GFRA1: variants seen among roughly 807,000 people sequenced by gnomAD.
GFRA1 encodes the protein GDNF family receptor alpha 1.
In GFRA1, 16 loss-of-function variants were observed where a neutral mutation model predicts 51.6. The observed-to-expected ratio is 0.31, with a 90% CI of 0.21 to 0.47. The LOEUF is 0.47. Ranked by LOEUF, GFRA1 falls within the 20% of genes least tolerant of loss-of-function variation. The pLI is 1.00. For missense variants in GFRA1, 530 were observed against 594.3 expected (o/e 0.89, Z 1.13); for synonymous variants, 270 against 241.3 (o/e 1.12, Z -1.10).
At chr10:116,213,000 C>T (rs1357203582) in intron 4 of GFRA1, among the ~76,000 whole-genome samples, 1 of 152,066 alleles carries the variant, frequency 6.6e-6, no homozygotes, top group Non-Finnish European at 1.5e-5. Flanking sequence ...AACTTAAAGA[C>T]AAAAGAACAC....
chr10:116,210,414 G>A (rs1803583592), intron 5 of GFRA1, among the ~76,000 whole-genome samples: 1 of 152,172 alleles, frequency 6.6e-6, no homozygotes, highest in African/African-American at 2.4e-5. Flanking sequence ...CCCCCAGTTT[G>A]TGAAGGAAGA....
chr10:116,200,997 T>C (rs970473709), intron 5 of GFRA1, among the ~76,000 whole-genome samples: 22 of 152,210 alleles, frequency 1.4e-4, no homozygotes, highest in Admixed American at 5.9e-4. Flanking sequence ...TGGACAGTTT[T>C]ATGGTATGCT....
intron 7 of GFRA1, among the ~76,000 whole-genome samples, chr10:116,094,269 T>C (rs1442767844): frequency 1.3e-5 from 2 of 152,188 alleles, no homozygotes; most frequent in Non-Finnish European, 2.9e-5. Flanking sequence ...AAATGGTTTC[T>C]TTAGAGTGAC....
chr10:116,256,594 T>A (rs1968876305), intron 4 of GFRA1, among the ~76,000 whole-genome samples: 1 of 151,970 alleles, frequency 6.6e-6, no homozygotes, highest in African/African-American at 2.4e-5. Context: ...CTCCCTCCCT[T>A]CCTCCCCATC....
intron 5 of GFRA1, among the ~76,000 whole-genome samples, chr10:116,153,370 C>G (rs1032678362): frequency 2.0e-5 from 3 of 152,158 alleles, no homozygotes; most frequent in South Asian, 4.1e-4. Context: ...GGTTTGTGCA[C>G]GTGAGGACTA....
intron 9 of GFRA1, among the ~76,000 whole-genome samples, chr10:116,088,492 C>G (rs1956188983): frequency 6.6e-6 from 1 of 152,082 alleles, no homozygotes; most frequent in African/African-American, 2.4e-5. Context: ...ACTCTGTGAC[C>G]CATTAGCTCT....
chr10:116,244,184 G>A (rs1012499116), intron 4 of GFRA1, among the ~76,000 whole-genome samples: 7 of 144,442 alleles, frequency 4.8e-5, no homozygotes, highest in Non-Finnish European at 7.9e-5. Flanking sequence ...ATCTATTACG[G>A]ATCTATTGAT....
At chr10:116,164,649 C>T (rs1187617987) in intron 5 of GFRA1, among the ~76,000 whole-genome samples, 2 of 152,104 alleles carry the variant, frequency 1.3e-5, no homozygotes, top group East Asian at 1.9e-4. Flanking sequence ...AATATACTTG[C>T]GTTATGTTAA....
chr10:116,062,368 G>A lies in GFRA1; in HGVS notation c.*2030C>T. ...TTTATTCAAAGTAAGAGTCTTTATAGATCTTTTCACTAATTAAATACAGTT... is the reference window on the plus strand; with the variant it reads ...TTTATTCAAAGTAAGAGTCTTTATAAATCTTTTCACTAATTAAATACAGTT... On this transcript the variant is annotated 3_prime_UTR_variant, in exon 11 of 11. Transcript: ENST00000355422. 1 of 370,792 alleles carries A rather than the reference G, an allele frequency of 2.7e-6. No individual in the cohort carries two copies. Among genetic ancestry groups the A allele is most frequent in the Non-Finnish European group, 4.8e-6 (1 of 209,280 alleles). 23.0% of individuals were successfully genotyped at this position (370,792 alleles called of 1,614,324 possible). A position where few individuals can be genotyped will look rare whatever the true frequency, so the allele number is the denominator to read the frequency against.
At chr10:116,151,819 T>C (rs1959075659) in intron 5 of GFRA1, among the ~76,000 whole-genome samples, 1 of 152,168 alleles carries the variant, frequency 6.6e-6, no homozygotes, top group Non-Finnish European at 1.5e-5. Flanking sequence ...GTTTAGATAC[T>C]AGTGGAAGAG....
In GFRA1 at chr10:116,096,737, G is replaced by C. The variant is rs1308864724; in HGVS notation, c.798C>G (p.Asn266Lys). ...TGACAGACCTTGACTCTGGCTGGCA[G>C]TTGGTAAAAAAATCCGCAAGGCGAG... ...CRSRLADFFTNCQPESRSVSS... is the reference protein window; with the variant it reads ...CRSRLADFFTKCQPESRSVSS... Residue 266 changes from asparagine (N) to lysine (K), a missense_variant, in exon 7 of 11, where the codon AAC becomes AAG. Coordinates refer to ENST00000355422, the MANE Select transcript of GFRA1 (RefSeq NM_005264.8). The C allele has an allele frequency of 6.3e-7, 1 of 1,598,156 alleles. No homozygotes were observed. Among genetic ancestry groups the C allele is most frequent in the Non-Finnish European group, 8.5e-7 (1 of 1,172,966 alleles).
At chr10:116,168,641 A>T (rs751413957) in intron 5 of GFRA1, among the ~76,000 whole-genome samples, 2 of 152,176 alleles carry the variant, frequency 1.3e-5, no homozygotes, top group East Asian at 3.9e-4. Flanking sequence ...GTGGAGAGGA[A>T]GGGCCAACCT....
chr10:116,239,217 T>C (rs751236230), intron 4 of GFRA1, among the ~76,000 whole-genome samples: 16 of 152,248 alleles, frequency 1.1e-4, no homozygotes, highest in Non-Finnish European at 2.1e-4. Context: ...CTGTTAGGCA[T>C]TGCATGACTT....
At chr10:116,097,278 C>T (rs544587704) in intron 6 of GFRA1, among the ~76,000 whole-genome samples, 7 of 152,194 alleles carry the variant, frequency 4.6e-5, no homozygotes, top group Non-Finnish European at 8.8e-5. Context: ...ACCTCTCATC[C>T]ACCAGCCCAG....
At chr10:116,151,392 T>G (rs4385805) in intron 5 of GFRA1, among the ~76,000 whole-genome samples, 105,588 of 151,956 alleles carry the variant, frequency 0.69, 38,849 homozygotes, top group Admixed American at 0.81. Context: ...GAGATGTCAG[T>G]AACCCCCACA....
At chr10:116,243,192 T>C (rs911456754) in intron 4 of GFRA1, among the ~76,000 whole-genome samples, 2 of 152,224 alleles carry the variant, frequency 1.3e-5, no homozygotes, top group Non-Finnish European at 2.9e-5. Context: ...AAGCAGAGAA[T>C]GCCACTAACT....
In GFRA1 at chr10:116,089,696, C is replaced by T. The variant is rs781550145; in HGVS notation, c.1197+45G>A. ...TGGGTCTGCCCGTGTTTCACCCCCCCACCAGGAAGGGAGCCCCAGCAAGGA... is the reference window on the plus strand; with the variant it reads ...TGGGTCTGCCCGTGTTTCACCCCCCTACCAGGAAGGGAGCCCCAGCAAGGA... On this transcript the variant is annotated intron_variant, in intron 9 of 10. Coordinates refer to ENST00000355422, the MANE Select transcript of GFRA1 (RefSeq NM_005264.8). 7 of 1,532,308 alleles carry T rather than the reference C, an allele frequency of 4.6e-6. No individual in the cohort carries two copies. The Admixed American group carries it at 5.0e-5, about 11-fold the overall frequency. The allele number at this position is 1,532,308 out of a possible 1,614,324, so 94.9% of individuals were successfully genotyped here. A position where few individuals can be genotyped will look rare whatever the true frequency, so the allele number is the denominator to read the frequency against.
chr10:116,169,500 A>G (rs1334590532), intron 5 of GFRA1, among the ~76,000 whole-genome samples: 1 of 152,194 alleles, frequency 6.6e-6, no homozygotes, highest in African/African-American at 2.4e-5. Context: ...AAAAATCCAA[A>G]GCTCCACTGG....
intron 10 of GFRA1, among the ~76,000 whole-genome samples, chr10:116,065,085 C>T (rs1261591436): frequency 1.3e-5 from 2 of 152,158 alleles, no homozygotes; most frequent in Admixed American, 6.5e-5. Flanking sequence ...GTCACCAGCA[C>T]CTGCTTAATC....
Sources: allele counts gnomAD v4.1 joint callset (sites outside exome capture counted in the v4.1 genomes callset), GRCh38; gene constraint gnomAD v4.1.1; transcripts MANE v1.5; gene names NCBI Gene and HGNC (gene_info 2026-07-23, HGNC 2026-07-21).